Variants in ROBO1 observed in about 807,000 individuals in gnomAD.
ROBO1 encodes roundabout homolog 1.
In ROBO1, 149 loss-of-function variants were observed where a neutral mutation model predicts 195.9. The observed-to-expected ratio is 0.76, with a 90% CI of 0.67 to 0.87. The LOEUF is 0.87. Among genes scored for constraint, ROBO1 ranks in the 40% least tolerant of loss-of-function variants. The pLI is 0.00. For synonymous variants in ROBO1, 816 were observed against 733.2 expected (o/e 1.11, Z -1.82); for missense variants, 1,933 against 2,068.3 (o/e 0.93, Z 1.27).
chr3:78,781,362 T>G (rs969551781), intron 4 of ROBO1, among the ~76,000 whole-genome samples: 47 of 152,316 alleles, frequency 3.1e-4, no homozygotes, highest in African/African-American at 1.1e-3. Context: ...AACATTTAAT[T>G]CTATCTAGGT....
intron 2 of ROBO1, among the ~76,000 whole-genome samples, chr3:79,283,887 C>CG (rs2031705949): frequency 6.6e-6 from 1 of 151,632 alleles, no homozygotes. Flanking sequence ...TTAGTAGAGA[C>CG]GGGGTTTCAC....
chr3:79,728,161 TA>T (rs1702999271), intron 1 of ROBO1, among the ~76,000 whole-genome samples: 1 of 152,070 alleles, frequency 6.6e-6, no homozygotes, highest in Non-Finnish European at 1.5e-5. Flanking sequence ...AAATTTTTTT[TA>T]GTTAACTCAT....
chr3:79,317,262 C>T (rs1228728022), intron 2 of ROBO1, among the ~76,000 whole-genome samples: 1 of 152,058 alleles, frequency 6.6e-6, no homozygotes, highest in Non-Finnish European at 1.5e-5. Flanking sequence ...AGAGTCACTC[C>T]TATTTTTAAA....
chr3:79,504,676 T>A (rs1205919826), intron 2 of ROBO1, among the ~76,000 whole-genome samples: 2 of 152,214 alleles, frequency 1.3e-5, no homozygotes, highest in African/African-American at 2.4e-5. Flanking sequence ...TCTTAATTAC[T>A]TTAGTGTATT....
intron 2 of ROBO1, among the ~76,000 whole-genome samples, chr3:79,310,931 A>T (rs1292166095): frequency 2.0e-5 from 3 of 152,192 alleles, no homozygotes; most frequent in African/African-American, 7.2e-5. Context: ...AAAGTGTATG[A>T]TGATATCCAC....
intron 4 of ROBO1, among the ~76,000 whole-genome samples, chr3:78,836,311 G>T (rs964493075): frequency 6.6e-6 from 1 of 151,978 alleles, no homozygotes; most frequent in African/African-American, 2.4e-5. Context: ...AGGAGATAGA[G>T]ACCATCCTGG....
Position 79,482,150 on chromosome 3 carries a change from A to G in ROBO1, c.88+107674T>C, listed in dbSNP as rs1407477298. 8.5e-5 allele frequency among the ~76,000 whole-genome samples: 13 copies of G among 152,202 alleles called. No individual in the cohort carries two copies. In the South Asian group the frequency reaches 1.2e-3, roughly 15 times the overall value. ...AAATATTGATTCCATCAGTATGATAAGCAAAACTATGTTTTGTGCATAATT... is the reference window on the plus strand; with the variant it reads ...AAATATTGATTCCATCAGTATGATAGGCAAAACTATGTTTTGTGCATAATT... On this transcript the variant is annotated intron_variant, in intron 2 of 30. Coordinates refer to ENST00000464233, the MANE Select transcript of ROBO1 (RefSeq NM_002941.4).
At chr3:78,776,600 A>G (rs549246374) in intron 4 of ROBO1, among the ~76,000 whole-genome samples, 7 of 152,326 alleles carry the variant, frequency 4.6e-5, no homozygotes, top group African/African-American at 1.7e-4. Flanking sequence ...GTGGCCTTCG[A>G]TATGATTCCA....
intron 1 of ROBO1, among the ~76,000 whole-genome samples, chr3:79,600,554 A>G (rs372512993): frequency 7.2e-5 from 11 of 151,976 alleles, no homozygotes; most frequent in African/African-American, 2.7e-4. Context: ...ACAGCAAATA[A>G]GGTAGTTACC....
intron 1 of ROBO1, among the ~76,000 whole-genome samples, chr3:79,762,391 A>C (rs1403840808): frequency 6.6e-6 from 1 of 152,186 alleles, no homozygotes; most frequent in Non-Finnish European, 1.5e-5. Context: ...TTTGGAGAAG[A>C]CACAGCATTC....
intron 5 of ROBO1, among the ~76,000 whole-genome samples, chr3:78,723,171 C>T (rs1051623729): frequency 6.6e-6 from 1 of 152,054 alleles, no homozygotes; most frequent in African/African-American, 2.4e-5. Context: ...GTTGTAAGAT[C>T]GTTTCCAGTG....
intron 2 of ROBO1, among the ~76,000 whole-genome samples, chr3:79,152,845 A>T (rs1204921480): frequency 6.6e-6 from 1 of 151,836 alleles, no homozygotes; most frequent in Admixed American, 6.6e-5. Flanking sequence ...CTGAAATCTG[A>T]GAAATGAAGA....
chr3:78,984,058 T>C (rs148180552), intron 3 of ROBO1, among the ~76,000 whole-genome samples: 161 of 152,274 alleles, frequency 1.1e-3, no homozygotes, highest in African/African-American at 3.8e-3. Flanking sequence ...ATAACATCAT[T>C]AATAACGAAG....
chr3:79,615,466 G>A (rs1473775750), intron 1 of ROBO1, among the ~76,000 whole-genome samples: 1 of 152,076 alleles, frequency 6.6e-6, no homozygotes, highest in Non-Finnish European at 1.5e-5. Flanking sequence ...ATGTTCTGAG[G>A]ACCTCCTGAG....
chr3:78,748,077 A>C (rs781476877), intron 4 of ROBO1, among the ~76,000 whole-genome samples: 2 of 152,204 alleles, frequency 1.3e-5, no homozygotes, highest in Non-Finnish European at 2.9e-5. Context: ...ACCTAATTTA[A>C]CATGGTACTG....
At chr3:79,561,883 T>G (rs1942933702) in intron 2 of ROBO1, among the ~76,000 whole-genome samples, 1 of 151,978 alleles carries the variant, frequency 6.6e-6, no homozygotes, top group Admixed American at 6.6e-5. Flanking sequence ...ATGCCTGAGG[T>G]GAGAAGAAAG....
chr3:79,166,711 GC>G (rs2081073832), intron 2 of ROBO1, among the ~76,000 whole-genome samples: 1 of 151,708 alleles, frequency 6.6e-6, no homozygotes, highest in Admixed American at 6.6e-5. Flanking sequence ...GTCTATAGGC[GC>G]CCGCCACCAC....
chr3:78,660,822 T>A, intron 16 of ROBO1: 1 of 472,112 alleles, frequency 2.1e-6, no homozygotes, highest in Non-Finnish European at 3.7e-6. Flanking sequence ...ACATTTGAGG[T>A]AGGCCACTAT....
At chr3:79,246,903 T>A (rs762752564) in intron 2 of ROBO1, among the ~76,000 whole-genome samples, 1 of 151,986 alleles carries the variant, frequency 6.6e-6, no homozygotes, top group African/African-American at 2.4e-5. Context: ...CCAAACACCA[T>A]GGTAAACCCT....
Sources: allele counts gnomAD v4.1 joint callset (sites outside exome capture counted in the v4.1 genomes callset), GRCh38; gene constraint gnomAD v4.1.1; transcripts MANE v1.5; gene names NCBI Gene and HGNC (gene_info 2026-07-23, HGNC 2026-07-21).